Variants in ADD3 observed in about 807,000 individuals in gnomAD.
The protein encoded by ADD3 is adducin 3.
Under a neutral mutation model 80.2 loss-of-function variants are expected in ADD3, and 25 were observed. The ratio of observed to expected loss-of-function variants is 0.31; its 90% CI spans 0.23 to 0.44. ADD3 has a LOEUF of 0.44. Among genes scored for constraint, ADD3 ranks in the 20% least tolerant of loss-of-function variants. The pLI is 1.00. For synonymous variants in ADD3, 284 were observed against 289.6 expected (o/e 0.98, Z 0.20); for missense variants, 829 against 847.5 (o/e 0.98, Z 0.27).
intron 1 of ADD3, among the ~76,000 whole-genome samples, chr10:110,087,815 A>G (rs1049094779): frequency 5.9e-5 from 9 of 152,220 alleles, no homozygotes; most frequent in South Asian, 2.1e-4. Context: ...TAGAACTGCT[A>G]TATAACAAAG....
intron 1 of ADD3, among the ~76,000 whole-genome samples, chr10:110,064,311 T>A (rs1245448574): frequency 6.6e-6 from 1 of 152,186 alleles, no homozygotes; most frequent in Non-Finnish European, 1.5e-5. Context: ...CTTTTGCAGG[T>A]AAGGCCAGTT....
chr10:110,042,563 A>G (rs1364803493), intron 1 of ADD3, among the ~76,000 whole-genome samples: 1 of 152,138 alleles, frequency 6.6e-6, no homozygotes, highest in African/African-American at 2.4e-5. Flanking sequence ...TAATAATACT[A>G]TCTTTAATCA....
intron 1 of ADD3, among the ~76,000 whole-genome samples, chr10:109,999,119 C>T (rs1362850062): frequency 6.6e-6 from 1 of 152,100 alleles, no homozygotes; most frequent in Non-Finnish European, 1.5e-5. Context: ...GGAAGTGTGG[C>T]AACTTAAACA....
Position 110,120,118 on chromosome 10 carries a change from C to T in ADD3, c.960+554C>T, listed in dbSNP as rs1851273860. Reference sequence around the variant, plus strand: ...CTTTAAGTTTTAGGGTACATGTGCACATTGTGCAGGTTAGTTACATATGTA... The same window carrying T: ...CTTTAAGTTTTAGGGTACATGTGCATATTGTGCAGGTTAGTTACATATGTA... On this transcript the variant is annotated intron_variant, in intron 8 of 14. Transcript: ENST00000356080. 4.6e-5 allele frequency among the ~76,000 whole-genome samples: 7 copies of T among 150,614 alleles called. No individual in the cohort carries two copies. The South Asian group carries it at 1.5e-3, about 32-fold the overall frequency.
intron 1 of ADD3, among the ~76,000 whole-genome samples, chr10:110,038,143 A>G (rs1293816896): frequency 6.6e-6 from 1 of 152,152 alleles, no homozygotes; most frequent in Non-Finnish European, 1.5e-5. Context: ...TTAGCAGTAA[A>G]CCACCACCCA....
chr10:110,037,359 C>T (rs1855780354), intron 1 of ADD3, among the ~76,000 whole-genome samples: 1 of 152,178 alleles, frequency 6.6e-6, no homozygotes, highest in African/African-American at 2.4e-5. Flanking sequence ...AATCCCAGCA[C>T]TTTGGGAGGC....
chr10:110,076,643 A>G (rs1404316499), intron 1 of ADD3, among the ~76,000 whole-genome samples: 3 of 152,212 alleles, frequency 2.0e-5, no homozygotes, highest in East Asian at 1.9e-4. Flanking sequence ...AGAATGAGCA[A>G]TGCTTCTGAC....
intron 1 of ADD3, among the ~76,000 whole-genome samples, chr10:110,028,608 G>A (rs1016377021): frequency 6.6e-6 from 1 of 152,004 alleles, no homozygotes; most frequent in Admixed American, 6.6e-5. Flanking sequence ...AAATTGACTG[G>A]GACTTAGTGT....
At chr10:110,052,480 T>C (rs1365316259) in intron 1 of ADD3, among the ~76,000 whole-genome samples, 5 of 152,180 alleles carry the variant, frequency 3.3e-5, no homozygotes, top group African/African-American at 1.2e-4. Flanking sequence ...TCAAGGAATT[T>C]AGGTTGCACA....
At chr10:110,129,396 G>GC (rs773503168) in intron 12 of ADD3, among the ~76,000 whole-genome samples, 7 of 152,020 alleles carry the variant, frequency 4.6e-5, no homozygotes, top group Non-Finnish European at 1.0e-4. Flanking sequence ...TGATCTGCTC[G>GC]CCTTGGCCTT....
chr10:110,038,838 A>G (rs1855962843), intron 1 of ADD3, among the ~76,000 whole-genome samples: 1 of 152,374 alleles, frequency 6.6e-6, no homozygotes, highest in African/African-American at 2.4e-5. Flanking sequence ...AACTACACAC[A>G]TTATACAACA....
At chr10:110,106,292 G>A (rs1849387886) in intron 2 of ADD3, among the ~76,000 whole-genome samples, 1 of 151,722 alleles carries the variant, frequency 6.6e-6, no homozygotes, top group African/African-American at 2.4e-5. Context: ...TGATAAATGA[G>A]CCAACATGGA....
chr10:110,035,189 C>T (rs565623072), intron 1 of ADD3, among the ~76,000 whole-genome samples: 388 of 152,188 alleles, frequency 2.5e-3, no homozygotes, highest in Middle Eastern at 0.01. Context: ...ATAAAATAAA[C>T]GTTTTGTCCT....
intron 4 of ADD3, 129 bp from the exon 5 acceptor site, chr10:110,117,213 A>G (rs1850849123): frequency 1.8e-6 from 1 of 560,656 alleles, no homozygotes; most frequent in South Asian, 2.6e-5. Context: ...GTAGACCTTT[A>G]ATTTTTGCTT....
Position 110,119,231 on chromosome 10 carries a change from G to A in ADD3, c.738G>A (p.Gly246=), listed in dbSNP as rs1222511999. 6.2e-7 allele frequency: 1 copy of A among 1,614,140 alleles called. No homozygotes were observed. Among genetic ancestry groups the A allele is most frequent in the East Asian group, 2.2e-5 (1 of 44,872 alleles). ...AATAGGTATCCTCCATGAAATGTGG[G>A]ATCCTTCCAATTTCTCAAGAGTCTC... ...ATAAVSSMKC[G]ILPISQESLL... Residue 246 remains glycine (G), a synonymous_variant, in exon 7 of 15, where the codon GGG becomes GGA. Transcript: ENST00000356080.
chr10:110,002,491 G>A (rs141735497), upstream of ADD3, among the ~76,000 whole-genome samples: 1,149 of 152,080 alleles, frequency 7.6e-3, 16 homozygotes, highest in African/African-American at 0.026. Flanking sequence ...AGCCAGGATG[G>A]TCTCGATCTC....
At chr10:110,104,681 G>T (rs1849219508) in intron 2 of ADD3, among the ~76,000 whole-genome samples, 4 of 152,166 alleles carry the variant, frequency 2.6e-5, no homozygotes, top group Admixed American at 2.6e-4. Context: ...AATCAGGAGA[G>T]AAATTAATAA....
intron 1 of ADD3, among the ~76,000 whole-genome samples, chr10:110,061,139 AG>A (rs1255451936): frequency 6.6e-6 from 1 of 152,204 alleles, no homozygotes; most frequent in Admixed American, 6.5e-5. Context: ...GATGAGAAAG[AG>A]GTAAGCCAGC....
At chr10:110,116,194 G>C in intron 3 of ADD3, 65 bp from the exon 4 acceptor site, 2 of 1,557,536 alleles carry the variant, frequency 1.3e-6, no homozygotes, top group Non-Finnish European at 1.8e-6. Flanking sequence ...CTACTTCCTG[G>C]CAACTAATTT....
Sources: allele counts gnomAD v4.1 joint callset (sites outside exome capture counted in the v4.1 genomes callset), GRCh38; gene constraint gnomAD v4.1.1; transcripts MANE v1.5; gene names NCBI Gene and HGNC (gene_info 2026-07-23, HGNC 2026-07-21).